The following MME variants were observed in gnomAD, a reference collection of about 807,000 sequenced individuals.
MME encodes neprilysin.
A neutral mutation model predicts 113.2 loss-of-function variants in MME; 98 were observed. The ratio of observed to expected loss-of-function variants is 0.87; its 90% CI spans 0.74 to 1.02. The LOEUF (loss-of-function observed/expected upper bound fraction) is 1.02. Ranked by LOEUF, MME falls within the 50% of genes least tolerant of loss-of-function variation. The pLI, the probability that MME is intolerant of heterozygous loss-of-function variation, is 0.00. For synonymous variants in MME, 292 were observed against 300.6 expected (o/e 0.97, Z 0.30); for missense variants, 836 against 896.0 (o/e 0.93, Z 0.86).
At chr3:155,082,104 A>G (rs555759404) in intron 1 of MME, among the ~76,000 whole-genome samples, 2 of 152,206 alleles carry the variant, frequency 1.3e-5, no homozygotes, top group Non-Finnish European at 2.9e-5. Flanking sequence ...AGTAACTTAC[A>G]GGGAGAAAGA....
chr3:155,101,652 T>C, intron 3 of MME, among the ~76,000 whole-genome samples: 1 of 152,218 alleles, frequency 6.6e-6, no homozygotes, highest in East Asian at 1.9e-4. Flanking sequence ...CATGACCTTT[T>C]GCCAGACCAC....
chr3:155,080,156 A>T (rs1714987852), upstream of MME: 1 of 152,452 alleles, frequency 6.6e-6, no homozygotes, highest in Non-Finnish European at 1.5e-5. Context: ...GCTAAGGTCC[A>T]GCGCGATCCG....
In MME at chr3:155,180,564, T is replaced by G. The variant is rs566442522; in HGVS notation, c.*105T>G. On this transcript the variant is annotated 3_prime_UTR_variant, in exon 23 of 23. Transcript: ENST00000360490. ...GGGCCCTAGGGGTCACTGTACTGAC[T>G]TGAGGGTGATTAACAGAGAGGGCAC... 4.0e-5 allele frequency: 33 copies of G among 831,172 alleles called. No individual in the cohort carries two copies. Among genetic ancestry groups the G allele is most frequent in the African/African-American group, 3.9e-4 (23 of 59,664 alleles). 51.5% of individuals were successfully genotyped at this position (831,172 alleles called of 1,614,324 possible).
At chr3:155,165,534 G>A (rs1280336704) in intron 17 of MME, among the ~76,000 whole-genome samples, 1 of 152,120 alleles carries the variant, frequency 6.6e-6, no homozygotes, top group African/African-American at 2.4e-5. Context: ...GCAATGGTAA[G>A]CCTTCCAAAG....
intron 16 of MME, among the ~76,000 whole-genome samples, chr3:155,157,826 C>G (rs1208801126): frequency 6.6e-6 from 1 of 152,128 alleles, no homozygotes; most frequent in Non-Finnish European, 1.5e-5. Flanking sequence ...CACCATAATT[C>G]TAATTTTATT....
chr3:155,076,239 C>A (rs1290515574), upstream of MME, among the ~76,000 whole-genome samples: 2 of 152,154 alleles, frequency 1.3e-5, no homozygotes, highest in Non-Finnish European at 2.9e-5. Context: ...AGTTTACCAG[C>A]CTGAGTCAGG....
intron 14 of MME, among the ~76,000 whole-genome samples, chr3:155,146,829 A>T (rs184822249): frequency 2.6e-5 from 4 of 152,294 alleles, no homozygotes; most frequent in Admixed American, 2.0e-4. Context: ...TGAAAAAAAA[A>T]GCTTTGAGAG....
At chr3:155,057,281 G>A (rs1000944239) in intron 1 of MME, among the ~76,000 whole-genome samples, 1 of 152,052 alleles carries the variant, frequency 6.6e-6, no homozygotes, top group African/African-American at 2.4e-5. Context: ...CAAAAAGTGG[G>A]CAAAGAACAT....
intron 3 of MME, among the ~76,000 whole-genome samples, chr3:155,096,410 T>G (rs1439155742): frequency 6.6e-6 from 1 of 152,116 alleles, no homozygotes; most frequent in Admixed American, 6.5e-5. Context: ...AAGGCTATCA[T>G]AGAGGGTGTG....
At chr3:155,150,309 A>T (rs1697442986) in intron 16 of MME, among the ~76,000 whole-genome samples, 1 of 152,130 alleles carries the variant, frequency 6.6e-6, no homozygotes, top group African/African-American at 2.4e-5. Context: ...TATAATTTAC[A>T]CTGTTCATTC....
In MME at chr3:155,180,383, C is replaced by G; in HGVS notation, c.2177C>G (p.Ser726Cys). 1 of 1,613,660 alleles carries G rather than the reference C, an allele frequency of 6.2e-7. No homozygotes were observed. Among genetic ancestry groups the G allele is most frequent in the Non-Finnish European group, 8.5e-7 (1 of 1,179,596 alleles). ...NFRIIGTLQN[S>C]AEFSEAFHCR... Reference sequence around the variant, plus strand: ...AGGATTATTGGGACTTTGCAGAACTCTGCAGAGTTTTCAGAAGCCTTTCAC... The same window carrying G: ...AGGATTATTGGGACTTTGCAGAACTGTGCAGAGTTTTCAGAAGCCTTTCAC... The change falls in exon 23 of 23, where the codon TCT (serine) becomes TGT (cysteine). Residue 726 changes from serine to cysteine, a missense_variant. Transcript: ENST00000360490.
At position 155,140,216 on chromosome 3, in the gene MME, A is replaced by G. The variant is rs201002280; in HGVS notation, c.881A>G (p.Asn294Ser). ...GCTACGGCTAAACCTGAAGATCGAA[A>G]TGATCCAATGCTTCTGTATAACAAG... is the stretch of plus-strand genomic sequence containing the variant. Reference protein sequence around the residue: ...ANATAKPEDRNDPMLLYNKMT... With the variant: ...ANATAKPEDRSDPMLLYNKMT... The change falls in exon 10 of 23, where the codon AAT (asparagine) becomes AGT (serine). Residue 294 changes from asparagine (N) to serine (S), a missense_variant. Asn to Ser is a conservative substitution (Grantham distance 46). Transcript: ENST00000360490. 54 of 1,612,252 alleles carry G rather than the reference A, an allele frequency of 3.3e-5. No homozygotes were observed. In the Middle Eastern group the frequency reaches 8.3e-4, roughly 25 times the overall value.
At chr3:155,032,585 G>T (rs528590494) in intron 1 of MME, among the ~76,000 whole-genome samples, 2 of 152,130 alleles carry the variant, frequency 1.3e-5, no homozygotes, top group South Asian at 4.1e-4. Flanking sequence ...AATCTGAAAG[G>T]AGCCTCAACA....
At chr3:155,042,813 T>A (rs1172415377) in intron 1 of MME, among the ~76,000 whole-genome samples, 1 of 149,458 alleles carries the variant, frequency 6.7e-6, no homozygotes, top group Non-Finnish European at 1.5e-5. Flanking sequence ...GTGTTTATCA[T>A]CTTTGCCTAT....
At chr3:155,060,833 G>T (rs984159430) in intron 1 of MME, among the ~76,000 whole-genome samples, 1 of 142,118 alleles carries the variant, frequency 7.0e-6, no homozygotes, top group Non-Finnish European at 1.6e-5. Flanking sequence ...GAGAGGCAGA[G>T]AGAGAGAGAG....
intron 17 of MME, among the ~76,000 whole-genome samples, chr3:155,163,739 C>A (rs77883362): frequency 1.3e-5 from 2 of 151,960 alleles, no homozygotes; most frequent in Non-Finnish European, 2.9e-5. Flanking sequence ...ACTATAAATA[C>A]CTTGAGATAG....
At chr3:155,027,279 C>G (rs150111566) in intron 1 of MME, among the ~76,000 whole-genome samples, 1 of 149,200 alleles carries the variant, frequency 6.7e-6, no homozygotes, top group African/African-American at 2.5e-5. Flanking sequence ...TTCTCTTGTA[C>G]GTAACACTTC....
chr3:155,149,723 C>T (rs991267646), intron 16 of MME, among the ~76,000 whole-genome samples: 5 of 151,904 alleles, frequency 3.3e-5, no homozygotes, highest in Admixed American at 2.0e-4. Flanking sequence ...GTTCTGTTCT[C>T]AGTAAACCAA....
intron 22 of MME, 141 bp from the exon 23 acceptor site, chr3:155,180,219 C>A: frequency 1.3e-6 from 1 of 741,016 alleles, no homozygotes; most frequent in East Asian, 2.6e-5. Flanking sequence ...GGCACTGACT[C>A]ATTGTACCAG....
Sources: allele counts gnomAD v4.1 joint callset (sites outside exome capture counted in the v4.1 genomes callset), GRCh38; gene constraint gnomAD v4.1.1; transcripts MANE v1.5; gene names NCBI Gene and HGNC (gene_info 2026-07-23, HGNC 2026-07-21).